The following RAB15 variants were observed in gnomAD, a reference collection of about 807,000 sequenced individuals.
RAB15 encodes ras-related protein Rab-15.
In RAB15, 13 loss-of-function variants were observed where a neutral mutation model predicts 31.8. The observed-to-expected ratio is 0.41, with a 90% CI of 0.27 to 0.65. The LOEUF (loss-of-function observed/expected upper bound fraction) is 0.65. Among genes scored for constraint, RAB15 ranks in the 30% least tolerant of loss-of-function variants. The pLI, the probability that RAB15 is intolerant of heterozygous loss-of-function variation, is 0.32. For synonymous variants in RAB15, 100 were observed against 105.6 expected (o/e 0.95, Z 0.33); for missense variants, 220 against 277.3 (o/e 0.79, Z 1.47).
At position 64,958,183 on chromosome 14, in the gene RAB15, TGAG is replaced by T. The variant is rs1472665936; in HGVS notation, c.125-5615_125-5613del. The T allele has an allele frequency of 6.6e-6, 1 of 152,212 alleles. No individual in the cohort carries two copies. The highest frequency in any genetic ancestry group is 1.5e-5 in the Non-Finnish European group (1 of 68,074). 9.4% of individuals were successfully genotyped at this position (152,212 alleles called of 1,614,324 possible). A position where few individuals can be genotyped will look rare whatever the true frequency, so the allele number is the denominator to read the frequency against. On this transcript the variant is annotated intron_variant, in intron 1 of 6. Transcript: ENST00000533601. This position sits in a 1 kb window ranked among gnomAD's most constrained non-coding sequence, Gnocchi z 4.4. ...ATCTAGAAGTGAGGCAGGGGGCACA[TGAG>T]GAGAAGCCCGCTGCTGTGGTCTGAA...
rs1886712111 is a variant in RAB15, at chr14:64,958,875, C to T, written c.125-6304G>A. ...GATATGCCCATCATGGTGCCTGCCACACCCTGTGTCCCTTTCTGGCTAGAA... is the reference window on the plus strand; with the variant it reads ...GATATGCCCATCATGGTGCCTGCCATACCCTGTGTCCCTTTCTGGCTAGAA... On this transcript the variant is annotated intron_variant, in intron 1 of 6. Transcript: ENST00000533601. This position sits in a 1 kb window ranked among gnomAD's most constrained non-coding sequence, Gnocchi z 4.4. Among the ~76,000 whole-genome samples, 1 of 152,244 alleles carries T rather than the reference C, an allele frequency of 6.6e-6. No individual in the cohort carries two copies. Among genetic ancestry groups the T allele is most frequent in the Non-Finnish European group, 1.5e-5 (1 of 68,046 alleles).
Position 64,950,911 on chromosome 14 carries a change from C to A in RAB15, c.324+163G>T. 2 of 1,482,138 alleles carry A rather than the reference C, an allele frequency of 1.3e-6. No individual in the cohort carries two copies. The highest frequency in any genetic ancestry group is 1.2e-5 in the South Asian group (1 of 85,634). The allele number at this position is 1,482,138 out of a possible 1,614,324, so 91.8% of individuals were successfully genotyped here. ...CAGGGTATAGAGAGTGAGGGCATGGCAGCTTCGGTTTCTTCCCCATGTCTT... is the reference window on the plus strand; with the variant it reads ...CAGGGTATAGAGAGTGAGGGCATGGAAGCTTCGGTTTCTTCCCCATGTCTT... On this transcript the variant is annotated intron_variant, in intron 4 of 6. Transcript: ENST00000533601. The surrounding 1 kb of genome is among the most constrained non-coding windows in gnomAD (Gnocchi z 5.6).
rs1594929281 is a variant in RAB15 at position 64,947,914 on chromosome 14, T to G, written c.*440A>C. 2 of 158,014 alleles carry G rather than the reference T, an allele frequency of 1.3e-5. No individual in the cohort carries two copies. Among genetic ancestry groups the G allele is most frequent in the East Asian group, 1.8e-4 (1 of 5,418 alleles). 9.8% of individuals were successfully genotyped at this position (158,014 alleles called of 1,614,324 possible). On this transcript the variant is annotated 3_prime_UTR_variant, in exon 7 of 7. Transcript: ENST00000533601. The surrounding 1 kb of genome is among the most constrained non-coding windows in gnomAD (Gnocchi z 5.6). ...ACAGCAGGACACACGGGGGACGGGG[T>G]TTGAGGAGCTTTGATACGAAACGCA...
Position 64,948,857 on chromosome 14 carries a change from A to G in RAB15, c.415-124T>C, listed in dbSNP as rs1886073265. 2 of 825,164 alleles carry G rather than the reference A, an allele frequency of 2.4e-6. No homozygotes were observed. Among genetic ancestry groups the G allele is most frequent in the Admixed American group, 2.3e-5 (1 of 44,308 alleles). The allele number at this position is 825,164 out of a possible 1,614,324, so 51.1% of individuals were successfully genotyped here. ...GTGTTGTGACGATTTCTCAGAGTAG[A>G]TAATTTCTCAGATGGGACTGGGAGC... On this transcript the variant is annotated intron_variant, in intron 5 of 6. Transcript: ENST00000533601. The surrounding 1 kb of genome is among the most constrained non-coding windows in gnomAD (Gnocchi z 7.0).
At chr14:64,961,007 C>T (rs1402590887) in intron 1 of RAB15, among the ~76,000 whole-genome samples, 1 of 152,218 alleles carries the variant, frequency 6.6e-6, no homozygotes, top group African/African-American at 2.4e-5. Flanking sequence ...GCTCCGCATG[C>T]TTCAGTGGAA....
chr14:64,961,059 A>ACCACAGCCCAAAGGACCAG (rs1057214107), intron 1 of RAB15, among the ~76,000 whole-genome samples: 1 of 151,980 alleles, frequency 6.6e-6, no homozygotes, highest in Non-Finnish European at 1.5e-5. Flanking sequence ...ACCAGGATCA[A>ACCACAGCCCAAAGGACCAG]CCACAGCCCA....
In RAB15 at chr14:64,959,662, G is replaced by A. The variant is rs193031992; in HGVS notation, c.125-7091C>T. On this transcript the variant is annotated intron_variant, in intron 1 of 6. Coordinates refer to ENST00000533601, the MANE Select transcript of RAB15 (RefSeq NM_001308154.2). ...GAGGACTGCTTGCGCCCAGGAGTTCGAGACCAGACTGAGCAAGAAAGTGAG... is the reference window on the plus strand; with the variant it reads ...GAGGACTGCTTGCGCCCAGGAGTTCAAGACCAGACTGAGCAAGAAAGTGAG... 1.2e-3 allele frequency among the ~76,000 whole-genome samples: 188 copies of A among 151,900 alleles called. 2 individuals are homozygous for A. The highest frequency in any genetic ancestry group is 3.4e-3 in the Middle Eastern group (1 of 292).
At position 64,971,772 on chromosome 14, in the gene RAB15, G is replaced by A; in HGVS notation, c.124+181C>T. On this transcript the variant is annotated intron_variant, in intron 1 of 6. Transcript: ENST00000533601. This position sits in a 1 kb window ranked among gnomAD's most constrained non-coding sequence, Gnocchi z 4.1. ...CCACCCCTGGTCCGGACGGCAGGCAGCAGGGACACCCTCACCTGCCAAAAC... is the reference window on the plus strand; with the variant it reads ...CCACCCCTGGTCCGGACGGCAGGCAACAGGGACACCCTCACCTGCCAAAAC... 1.6e-6 allele frequency: 1 copy of A among 607,080 alleles called. No homozygotes were observed. The highest frequency in any genetic ancestry group is 2.9e-6 in the Non-Finnish European group (1 of 349,584). The allele number at this position is 607,080 out of a possible 1,614,324, so 37.6% of individuals were successfully genotyped here.
At chr14:64,957,532 C>G (rs1421877720) in intron 1 of RAB15, among the ~76,000 whole-genome samples, 2 of 152,206 alleles carry the variant, frequency 1.3e-5, no homozygotes, top group Non-Finnish European at 1.5e-5. Flanking sequence ...CAGCCCTACT[C>G]ACTCTTCTGC....
rs1040903864 is a variant in RAB15 at position 64,955,417 on chromosome 14, C to T, written c.125-2846G>A. Among the ~76,000 whole-genome samples, 10 of 152,186 alleles carry T rather than the reference C, an allele frequency of 6.6e-5. No homozygotes were observed. The highest frequency in any genetic ancestry group is 2.2e-4 in the African/African-American group (9 of 41,432). ...CATCGTGGCTCCTTCCCTCTCCCTGCGTGGCTGTTGGTTTTTTCCACTGCT... is the reference window on the plus strand; with the variant it reads ...CATCGTGGCTCCTTCCCTCTCCCTGTGTGGCTGTTGGTTTTTTCCACTGCT... On this transcript the variant is annotated intron_variant, in intron 1 of 6. Transcript: ENST00000533601. The surrounding 1 kb of genome is among the most constrained non-coding windows in gnomAD (Gnocchi z 4.4).
At chr14:64,956,422 A>G (rs913545743) in intron 1 of RAB15, among the ~76,000 whole-genome samples, 1 of 151,570 alleles carries the variant, frequency 6.6e-6, no homozygotes, top group African/African-American at 2.4e-5. Flanking sequence ...AAAAAAAAAA[A>G]AAAGAAAAGA....
chr14:64,951,770 GA>G lies in RAB15; in HGVS notation c.186-108del. 2 of 930,786 alleles carry G rather than the reference GA, an allele frequency of 2.1e-6. No homozygotes were observed. Among genetic ancestry groups the G allele is most frequent in the South Asian group, 1.3e-5 (1 of 75,666 alleles). 57.7% of individuals were successfully genotyped at this position (930,786 alleles called of 1,614,324 possible). ...AGGAAAAACTGGGGAGCTAAAGGGT[GA>G]AAAACCAGGGATGCTTGGATCCCCA... On this transcript the variant is annotated intron_variant, in intron 2 of 6. Coordinates refer to ENST00000533601, the MANE Select transcript of RAB15 (RefSeq NM_001308154.2). This position sits in a 1 kb window ranked among gnomAD's most constrained non-coding sequence, Gnocchi z 7.2.
In RAB15 at chr14:64,950,206, C is replaced by T. The variant is rs774106218; in HGVS notation, c.414+119G>A. On this transcript the variant is annotated intron_variant, in intron 5 of 6. Transcript: ENST00000533601. The surrounding 1 kb of genome is among the most constrained non-coding windows in gnomAD (Gnocchi z 5.6). Reference sequence around the variant, plus strand: ...GCCACTCCCCCAGGGCCTTGGGGTGCTGGGGACGTGTGGGAGGACCTGCCA... The same window carrying T: ...GCCACTCCCCCAGGGCCTTGGGGTGTTGGGGACGTGTGGGAGGACCTGCCA... The T allele has an allele frequency of 4.1e-5, 34 of 829,314 alleles. No homozygotes were observed. The highest frequency in any genetic ancestry group is 5.8e-5 in the Non-Finnish European group (28 of 480,526). The allele number at this position is 829,314 out of a possible 1,614,324, so 51.4% of individuals were successfully genotyped here. A position where few individuals can be genotyped will look rare whatever the true frequency, so the allele number is the denominator to read the frequency against.
At chr14:64,949,958 T>G (rs537777269) in intron 5 of RAB15, among the ~76,000 whole-genome samples, 1 of 152,200 alleles carries the variant, frequency 6.6e-6, no homozygotes, top group South Asian at 2.1e-4. Flanking sequence ...AGATCATTTC[T>G]CGACCGTAAC....
At chr14:64,956,367 T>C (rs939249395) in intron 1 of RAB15, among the ~76,000 whole-genome samples, 43 of 147,218 alleles carry the variant, frequency 2.9e-4, no homozygotes, top group African/African-American at 1.0e-3. Context: ...GCTGAGATCA[T>C]GCCACTGCAC....
In RAB15 at chr14:64,948,766, A is replaced by G. The variant is rs769799572; in HGVS notation, c.415-33T>C. 6.2e-7 allele frequency: 1 copy of G among 1,605,114 alleles called. No homozygotes were observed. The highest frequency in any genetic ancestry group is 1.1e-5 in the South Asian group (1 of 90,732). On this transcript the variant is annotated intron_variant, in intron 5 of 6. Coordinates refer to ENST00000533601, the MANE Select transcript of RAB15 (RefSeq NM_001308154.2). This position sits in a 1 kb window ranked among gnomAD's most constrained non-coding sequence, Gnocchi z 7.0. ...AGAAGGACATTTCTGAAAGAGAGTC[A>G]GTAAGGCAGGGGAGGGGCCCATACA...
At position 64,952,558 on chromosome 14, in the gene RAB15, C is replaced by G. The variant is rs377675042; in HGVS notation, c.138G>C (p.Lys46Asn). 3 of 1,611,752 alleles carry G rather than the reference C, an allele frequency of 1.9e-6. No homozygotes were observed. The highest frequency in any genetic ancestry group is 2.7e-5 in the African/African-American group (2 of 74,842). Residue 46 changes from lysine to asparagine, a missense_variant, in exon 2 of 7, where the codon AAG (lysine) becomes AAC (asparagine). Physicochemically the swap from Lys to Asn is moderately conservative, Grantham distance 94. Transcript: ENST00000533601. The surrounding 1 kb of genome is among the most constrained non-coding windows in gnomAD (Gnocchi z 4.2). ...SHISTIGVDF[K>N]MKTIEVDGIK... ...TGCCGTCTACCTCTATGGTCTTCAT[C>G]TTAAAGTCAACACCTGAAGAAAGGA... is the stretch of plus-strand genomic sequence containing the variant.
At position 64,948,406 on chromosome 14, in the gene RAB15, T is replaced by C; in HGVS notation, c.587A>G (p.Glu196Gly). ...CGCTGGGCCCTCGGGTTTGCCCTCC[T>C]CCTCCTCCAGCTCTGCCAGTGCCAA... ...NELALAELEEEEGKPEGPANS... is the reference protein window; with the variant it reads ...NELALAELEEGEGKPEGPANS... The change falls in exon 7 of 7, where the codon GAG becomes GGG. Residue 196 changes from glutamate to glycine, a missense_variant. Transcript: ENST00000533601. The surrounding 1 kb of genome is among the most constrained non-coding windows in gnomAD (Gnocchi z 7.0). 6.2e-7 allele frequency: 1 copy of C among 1,612,892 alleles called. No individual in the cohort carries two copies.
rs1490166421 is a variant in RAB15, at chr14:64,953,904, A to G, written c.125-1333T>C. 1.0e-6 allele frequency: 1 copy of G among 985,302 alleles called. No individual in the cohort carries two copies. The highest frequency in any genetic ancestry group is 1.7e-5 in the African/African-American group (1 of 57,242). The allele number at this position is 985,302 out of a possible 1,614,324, so 61.0% of individuals were successfully genotyped here. The stretch of plus-strand genomic sequence containing the variant: ...CACCAGCTGCACTGCCCGGCCCAGA[A>G]GGCCTGAAGGCACCAGCATCCCCAT... On this transcript the variant is annotated intron_variant, in intron 1 of 6. Coordinates refer to ENST00000533601, the MANE Select transcript of RAB15 (RefSeq NM_001308154.2). This position sits in a 1 kb window ranked among gnomAD's most constrained non-coding sequence, Gnocchi z 4.6.
Sources: gnomAD v4.1 joint callset for allele counts (sites outside exome capture counted in the v4.1 genomes callset) on GRCh38, gnomAD v4.1.1 for gene constraint, Gnocchi (gnomAD v3.1) non-coding constraint, MANE v1.5 for transcripts, NCBI Gene and HGNC (gene_info 2026-07-23, HGNC 2026-07-21) for gene names.